CCDC6: variants seen among roughly 807,000 people sequenced by gnomAD.
CCDC6 encodes coiled-coil domain-containing protein 6.
Under a neutral mutation model 56.6 loss-of-function variants are expected in CCDC6, and 20 were observed. That is an observed-to-expected ratio of 0.35 (90% confidence interval 0.25 to 0.51). The LOEUF (loss-of-function observed/expected upper bound fraction) is 0.51, where lower values mean the gene tolerates loss of function less well. Among genes scored for constraint, CCDC6 ranks in the 20% least tolerant of loss-of-function variants. CCDC6 has a pLI of 0.95. For missense variants in CCDC6, 367 were observed against 601.1 expected, an observed-to-expected ratio of 0.61 and a Z score of 4.07; for synonymous variants, 241 against 234.4, an observed-to-expected ratio of 1.03 and a Z score of -0.26.
chr10:59,809,253 CT>C (rs2070652962), intron 5 of CCDC6, among the ~76,000 whole-genome samples: 1 of 152,178 alleles, frequency 6.6e-6, no homozygotes. Context: ...GTGCTGGAGA[CT>C]ACCATGAAAT....
chr10:59,871,663 A>G (rs1299360849), intron 1 of CCDC6, among the ~76,000 whole-genome samples: 1 of 151,872 alleles, frequency 6.6e-6, no homozygotes, highest in African/African-American at 2.4e-5. Context: ...TTTGCTGTTA[A>G]CTCTTAATTA....
At chr10:59,882,805 A>C (rs1019301913) in intron 1 of CCDC6, among the ~76,000 whole-genome samples, 1 of 152,132 alleles carries the variant, frequency 6.6e-6, no homozygotes, top group African/African-American at 2.4e-5. Context: ...GTAAAAACAC[A>C]AAAAATTAGC....
chr10:59,872,785 G>T (rs910315875), intron 1 of CCDC6, among the ~76,000 whole-genome samples: 26 of 108,352 alleles, frequency 2.4e-4, no homozygotes, highest in East Asian at 3.9e-4. Context: ...CAGATGGGGG[G>T]GTGGGGGAAG....
intron 2 of CCDC6, among the ~76,000 whole-genome samples, chr10:59,849,012 A>G (rs2071016553): frequency 6.6e-6 from 1 of 152,248 alleles, no homozygotes; most frequent in South Asian, 2.1e-4. Context: ...CACCACGCTC[A>G]GCCTGTATAT....
At chr10:59,824,355 CTTTT>C (rs1285218361) in intron 3 of CCDC6, among the ~76,000 whole-genome samples, 2 of 152,132 alleles carry the variant, frequency 1.3e-5, no homozygotes, top group Non-Finnish European at 2.9e-5. Context: ...CCTGAAGCTT[CTTTT>C]GAGTATGGTG....
chr10:59,812,107 AC>A (rs1246258328), intron 5 of CCDC6, among the ~76,000 whole-genome samples: 1 of 151,420 alleles, frequency 6.6e-6, no homozygotes, highest in Non-Finnish European at 1.5e-5. Context: ...GACCCAAGAA[AC>A]TACACAGGGA....
intron 2 of CCDC6, among the ~76,000 whole-genome samples, chr10:59,833,671 A>C (rs957891784): frequency 4.3e-5 from 6 of 140,690 alleles, no homozygotes; most frequent in Non-Finnish European, 9.2e-5. Flanking sequence ...GATCCACAGC[A>C]GGGGTTGGCC....
rs1173571402 is a variant in CCDC6, at chr10:59,788,862, T to TA, written c.*4054dup. The TA allele has an allele frequency of 4.9e-6, 1 of 204,668 alleles. No individual in the cohort carries two copies. Among genetic ancestry groups the TA allele is most frequent in the Non-Finnish European group, 1.0e-5 (1 of 99,962 alleles). The allele number at this position is 204,668 out of a possible 1,614,324, so 12.7% of individuals were successfully genotyped here. The stretch of plus-strand genomic sequence containing the variant: ...TAAATAAGACATTAATTGAAAGTCT[T>TA]ACATCTCTCTAAACTCTGACCAAGA... On this transcript the variant is annotated 3_prime_UTR_variant, in exon 9 of 9. Coordinates refer to ENST00000263102, the MANE Select transcript of CCDC6 (RefSeq NM_005436.5).
At chr10:59,799,066 G>C (rs2070551020) in intron 7 of CCDC6, among the ~76,000 whole-genome samples, 1 of 147,458 alleles carries the variant, frequency 6.8e-6, no homozygotes, top group Admixed American at 6.8e-5. Context: ...TAAAAATATA[G>C]TCAATGTTCT....
At chr10:59,898,584 G>T (rs1047341948) in intron 1 of CCDC6, among the ~76,000 whole-genome samples, 1 of 152,216 alleles carries the variant, frequency 6.6e-6, no homozygotes, top group Admixed American at 6.5e-5. Flanking sequence ...GGAGAGAAAG[G>T]CTGTTTCCCT....
intron 6 of CCDC6, chr10:59,805,607 T>C (rs2070614899): frequency 6.6e-6 from 1 of 152,210 alleles, no homozygotes; most frequent in Non-Finnish European, 1.5e-5. Context: ...TAATAAGCTA[T>C]TTAGTATTCT....
intron 8 of CCDC6, 43 bp downstream of exon 8, chr10:59,794,430 C>A: frequency 6.2e-7 from 1 of 1,608,674 alleles, no homozygotes; most frequent in South Asian, 1.1e-5. Flanking sequence ...GTCGGTACCA[C>A]TTTCAGGAGT....
chr10:59,872,754 C>T (rs1664258), intron 1 of CCDC6, among the ~76,000 whole-genome samples: 109,397 of 144,976 alleles, frequency 0.75, 41,592 homozygotes, highest in East Asian at 0.89. Context: ...GGGCTGCATC[C>T]AGTCAAAGAG....
intron 3 of CCDC6, among the ~76,000 whole-genome samples, chr10:59,820,802 AAGAT>A (rs933664360): frequency 2.6e-5 from 4 of 152,076 alleles, no homozygotes; most frequent in African/African-American, 4.8e-5. Flanking sequence ...AAAAAAGAAA[AAGAT>A]AGCAGAATAC....
In CCDC6 at chr10:59,868,934, G is replaced by C. The variant is rs565668219; in HGVS notation, c.304-16232C>G. On this transcript the variant is annotated intron_variant, in intron 1 of 8. Transcript: ENST00000263102. The stretch of plus-strand genomic sequence containing the variant: ...TTTGTCCCATGCACCTCTTTCTTAT[G>C]CCAATTTTGCTTTGCGGCCTTTTGT... 3.4e-5 allele frequency among the ~76,000 whole-genome samples: 5 copies of C among 148,194 alleles called. No individual in the cohort carries two copies. In the East Asian group the frequency reaches 9.7e-4, roughly 29 times the overall value.
chr10:59,855,166 C>G (rs1452159798), intron 1 of CCDC6, among the ~76,000 whole-genome samples: 1 of 152,066 alleles, frequency 6.6e-6, no homozygotes, highest in Non-Finnish European at 1.5e-5. Flanking sequence ...GAAAATCAAC[C>G]TTAAGAGTTT....
At chr10:59,863,581 T>C (rs1337888692) in intron 1 of CCDC6, among the ~76,000 whole-genome samples, 1 of 152,160 alleles carries the variant, frequency 6.6e-6, no homozygotes, top group South Asian at 2.1e-4. Context: ...GGGAGAGGGA[T>C]AGTGAGTGCT....
intron 1 of CCDC6, among the ~76,000 whole-genome samples, chr10:59,862,280 A>G (rs2071135978): frequency 6.6e-6 from 1 of 151,918 alleles, no homozygotes; most frequent in African/African-American, 2.4e-5. Context: ...TGAGGACAGG[A>G]GTTCAAGACC....
rs527473464 is a variant in CCDC6, at chr10:59,789,702, T to G, written c.*3215A>C. ...GATCAAGTTACACAGAAATATTTCT[T>G]CTGTACTGATAAGATACAAATATTG... On this transcript the variant is annotated 3_prime_UTR_variant, in exon 9 of 9. Coordinates refer to ENST00000263102, the MANE Select transcript of CCDC6 (RefSeq NM_005436.5). 1 of 222,772 alleles carries G rather than the reference T, an allele frequency of 4.5e-6. No homozygotes were observed. The highest frequency in any genetic ancestry group is 2.2e-5 in the African/African-American group (1 of 44,752). The allele number at this position is 222,772 out of a possible 1,614,324, so 13.8% of individuals were successfully genotyped here.
Sources: allele counts gnomAD v4.1 joint callset (sites outside exome capture counted in the v4.1 genomes callset), GRCh38; gene constraint gnomAD v4.1.1; transcripts MANE v1.5; gene names NCBI Gene and HGNC (gene_info 2026-07-23, HGNC 2026-07-21).